Variants in CDH20 observed in about 807,000 individuals in gnomAD.
CDH20 encodes the protein cadherin-20.
A neutral mutation model predicts 74.2 loss-of-function variants in CDH20; 29 were observed. That is an observed-to-expected ratio of 0.39 (90% CI 0.29 to 0.53). The LOEUF is 0.53. Ranked by LOEUF, CDH20 falls within the 20% of genes least tolerant of loss-of-function variation. The probability of loss-of-function intolerance (pLI) is 0.69; values close to 1 mark genes in which losing one functional copy is unlikely to be tolerated. For missense variants in CDH20, 988 were observed against 1,048.3 expected (o/e 0.94, Z 0.79); for synonymous variants, 469 against 405.4 (o/e 1.16, Z -1.88).
chr18:61,542,835 G>A (rs1913089010), intron 9 of CDH20, among the ~76,000 whole-genome samples: 1 of 152,172 alleles, frequency 6.6e-6, no homozygotes, highest in South Asian at 2.1e-4. Context: ...CAAGGCAGGA[G>A]GGGAAGGTGC....
chr18:61,350,207 TTCTTC>T (rs1910259171), intron 1 of CDH20, among the ~76,000 whole-genome samples: 1 of 152,182 alleles, frequency 6.6e-6, no homozygotes, highest in Non-Finnish European at 1.5e-5. Flanking sequence ...TATTGCTGTC[TTCTTC>T]AGACATACCC....
At chr18:61,510,247 G>A (rs1911731880) in intron 6 of CDH20, among the ~76,000 whole-genome samples, 1 of 152,142 alleles carries the variant, frequency 6.6e-6, no homozygotes, top group South Asian at 2.1e-4. Flanking sequence ...ACATGAAGAG[G>A]TCAGGGGAAG....
chr18:61,359,479 C>T (rs967604471), intron 1 of CDH20, among the ~76,000 whole-genome samples: 1 of 152,074 alleles, frequency 6.6e-6, no homozygotes, highest in African/African-American at 2.4e-5. Context: ...TAAATGAGAA[C>T]CTTTTCATGA....
At chr18:61,421,815 G>A (rs1237535371) in intron 1 of CDH20, among the ~76,000 whole-genome samples, 1 of 151,998 alleles carries the variant, frequency 6.6e-6, no homozygotes, top group Admixed American at 6.5e-5. Flanking sequence ...CATGAGTCTT[G>A]CTTTTCCAGA....
chr18:61,456,238 A>C (rs935118744), intron 1 of CDH20, among the ~76,000 whole-genome samples: 2 of 152,160 alleles, frequency 1.3e-5, no homozygotes, highest in African/African-American at 4.8e-5. Context: ...AGTAGGCTTG[A>C]ATTTTTTCTT....
chr18:61,492,775 C>A, intron 2 of CDH20, among the ~76,000 whole-genome samples: 1 of 152,278 alleles, frequency 6.6e-6, no homozygotes. Flanking sequence ...ATATTTGTTT[C>A]TTATTTACAT....
At chr18:61,366,169 T>C (rs1360459672) in intron 1 of CDH20, among the ~76,000 whole-genome samples, 1 of 152,182 alleles carries the variant, frequency 6.6e-6, no homozygotes, top group African/African-American at 2.4e-5. Flanking sequence ...CTAAATTCTC[T>C]TATCCTACAT....
intron 1 of CDH20, among the ~76,000 whole-genome samples, chr18:61,425,064 TCTCTCTCTCTCTCACTCA>T (rs1054318807): frequency 3.3e-5 from 5 of 151,352 alleles, no homozygotes; most frequent in Admixed American, 1.3e-4. Context: ...TCTCTCTCTC[TCTCTCTCTCTCTCACTCA>T]CTCCGGCTCT....
At chr18:61,551,219 G>A (rs1365706018) in intron 11 of CDH20, among the ~76,000 whole-genome samples, 1 of 151,244 alleles carries the variant, frequency 6.6e-6, no homozygotes, top group Non-Finnish European at 1.5e-5. Context: ...AAAAAAGAAA[G>A]TATCTGTACA....
intron 1 of CDH20, among the ~76,000 whole-genome samples, chr18:61,416,124 T>C (rs1022202963): frequency 6.6e-6 from 1 of 152,202 alleles, no homozygotes; most frequent in Non-Finnish European, 1.5e-5. Flanking sequence ...GCCTCTATAG[T>C]AACTGCAAGA....
At chr18:61,538,626 T>TG (rs1471494148) in intron 8 of CDH20, among the ~76,000 whole-genome samples, 7 of 101,534 alleles carry the variant, frequency 6.9e-5, no homozygotes, top group South Asian at 3.6e-4. Context: ...TTTTGTTTTG[T>TG]TTTTTTTTTT....
At chr18:61,419,512 C>A (rs1438734377) in intron 1 of CDH20, among the ~76,000 whole-genome samples, 1 of 152,174 alleles carries the variant, frequency 6.6e-6, no homozygotes, top group African/African-American at 2.4e-5. Flanking sequence ...CTCTGCAATA[C>A]AACCATGCAA....
At chr18:61,365,589 C>T (rs969071188) in intron 1 of CDH20, among the ~76,000 whole-genome samples, 2 of 152,030 alleles carry the variant, frequency 1.3e-5, no homozygotes, top group Non-Finnish European at 2.9e-5. Context: ...CAAAACAACC[C>T]CCTTCCGCTT....
At chr18:61,395,510 C>A (rs1911933967) in intron 1 of CDH20, among the ~76,000 whole-genome samples, 1 of 152,082 alleles carries the variant, frequency 6.6e-6, no homozygotes, top group Admixed American at 6.5e-5. Flanking sequence ...TCTTTGATCT[C>A]CTTACCTCCA....
At position 61,528,132 on chromosome 18, in the gene CDH20, T is replaced by C. The variant is rs1454359893; in HGVS notation, c.1183T>C (p.Phe395Leu). ...CCCTGTGTTTGAACCTGGCTTTTAC[T>C]TTGTGGAGGTGCCTGAGGATGTGGC... ...EPPVFEPGFY[F>L]VEVPEDVAIG... is the part of the protein sequence containing the mutation. Residue 395 changes from phenylalanine to leucine, a missense_variant, in exon 7 of 12, where the codon TTT becomes CTT. By Grantham distance (22) the Phe-to-Leu change is conservative. Around this residue, in one of 2 missense-constraint regions of CDH20, gnomAD observed 613 missense variants for 755.2 expected, o/e 0.81. Transcript: ENST00000262717. The C allele has an allele frequency of 6.2e-7, 1 of 1,614,024 alleles. No individual in the cohort carries two copies. The highest frequency in any genetic ancestry group is 8.5e-7 in the Non-Finnish European group (1 of 1,180,026).
rs534695760 is a variant in CDH20 at position 61,500,102 on chromosome 18, TAAAAAAAAAAAAAAAAAAAAAAAAA to T, written c.542-258_542-234del. On this transcript the variant is annotated intron_variant, in intron 3 of 11. Transcript: ENST00000262717. ...CTGGCGACAGAGTGAGACTCCATCTTAAAAAAAAAAAAAAAAAAAAAAAAAAAAAAAAAAAAAAAAAAAAAAAGCA... is the reference window on the plus strand; with the variant it reads ...CTGGCGACAGAGTGAGACTCCATCTTAAAAAAAAAAAAAAAAAAAAAAGCA... 2.2e-3 allele frequency among the ~76,000 whole-genome samples: 127 copies of T among 56,568 alleles called. 3 individuals are homozygous for T. Among genetic ancestry groups the T allele is most frequent in the Non-Finnish European group, 3.7e-3 (101 of 26,994 alleles). The allele number at this position is 56,568 out of a possible 152,430, so 37.1% of individuals were successfully genotyped here. A position where few individuals can be genotyped will look rare whatever the true frequency, so the allele number is the denominator to read the frequency against.
At chr18:61,369,977 T>A (rs1005769376) in intron 1 of CDH20, among the ~76,000 whole-genome samples, 2 of 152,004 alleles carry the variant, frequency 1.3e-5, no homozygotes, top group South Asian at 4.1e-4. Context: ...GGCTTAATAC[T>A]TGGATGATGA....
chr18:61,453,243 A>T (rs890840024), intron 1 of CDH20, among the ~76,000 whole-genome samples: 1 of 152,110 alleles, frequency 6.6e-6, no homozygotes, highest in Non-Finnish European at 1.5e-5. Flanking sequence ...AAAATGTTAT[A>T]CAAAAGGAAC....
chr18:61,480,234 G>C (rs1010785411), intron 1 of CDH20, among the ~76,000 whole-genome samples: 1 of 152,042 alleles, frequency 6.6e-6, no homozygotes, highest in Admixed American at 6.6e-5. Flanking sequence ...TAACTCTGAC[G>C]GTCATATCCC....
Sources: allele counts gnomAD v4.1 joint callset (sites outside exome capture counted in the v4.1 genomes callset), GRCh38; gene constraint gnomAD v4.1.1; regional missense constraint gnomAD v4.1.1; transcripts MANE v1.5; gene names NCBI Gene and HGNC (gene_info 2026-07-23, HGNC 2026-07-21).